Variants in MOSPD2 observed in about 807,000 individuals in gnomAD.
MOSPD2 encodes motile sperm domain-containing protein 2.
A neutral mutation model predicts 41.7 loss-of-function variants in MOSPD2; 5 were observed. The ratio of observed to expected loss-of-function variants is 0.12; its 90% confidence interval spans 0.06 to 0.25. MOSPD2 has a LOEUF of 0.25. Among genes scored for constraint, MOSPD2 ranks in the 10% least tolerant of loss-of-function variants. The pLI, the probability that MOSPD2 is intolerant of heterozygous loss-of-function variation, is 1.00. For missense variants in MOSPD2, 282 were observed against 375.2 expected (o/e 0.75, Z 2.05); for synonymous variants, 115 against 126.9 (o/e 0.91, Z 0.63).
intron 3 of MOSPD2, chrX:14,893,094 TCA>T: frequency 3.4e-6 from 1 of 294,680 alleles, no homozygotes. Context: ...GAGAGCAGAA[TCA>T]CACTCAGATT....
chrX:14,920,793 T>C lies in MOSPD2; in HGVS notation c.*984T>C, dbSNP rs2092608303. 4 of 751,856 alleles carry C rather than the reference T, an allele frequency of 5.3e-6. No homozygotes were observed. The South Asian group carries it at 2.7e-4, about 51-fold the overall frequency. 62.0% of individuals were successfully genotyped at this position (751,856 alleles called of 1,213,427 possible). On this transcript the variant is annotated 3_prime_UTR_variant, in exon 15 of 15. Transcript: ENST00000380492. Reference sequence around the variant, plus strand: ...TTGAGATGCTAAGCAGGATAATAAATTTAGATTTTAAAATGTTCCCTGTAA... The same window carrying C: ...TTGAGATGCTAAGCAGGATAATAAACTTAGATTTTAAAATGTTCCCTGTAA...
intron 10 of MOSPD2, 100 bp from the exon 11 acceptor site, chrX:14,914,403 G>A (rs2092596738): frequency 4.1e-6 from 2 of 489,631 alleles, no homozygotes; most frequent in South Asian, 3.4e-5. Context: ...TTATACAAAT[G>A]AGCATAAGAT....
chrX:14,878,745 A>G (rs5934195), intron 2 of MOSPD2, among the ~76,000 whole-genome samples: 1 of 111,083 alleles, frequency 9.0e-6, no homozygotes, highest in East Asian at 2.8e-4. Flanking sequence ...CATGTGCACA[A>G]CGTGCAGGTT....
At chrX:14,918,805 C>T (rs2092604565) in intron 14 of MOSPD2, 23 bp downstream of exon 14, 2 of 1,000,334 alleles carry the variant, frequency 2.0e-6, no homozygotes, top group Non-Finnish European at 2.8e-6. Context: ...TCTTCCTACC[C>T]AAACAAAGTT....
intron 7 of MOSPD2, among the ~76,000 whole-genome samples, chrX:14,906,267 G>T (rs1046805258): frequency 1.8e-5 from 2 of 111,608 alleles, no homozygotes; most frequent in African/African-American, 6.5e-5. Context: ...CGAATTGAGG[G>T]TCCAGATATA....
intron 2 of MOSPD2, among the ~76,000 whole-genome samples, chrX:14,888,767 G>A (rs1841349471): frequency 9.1e-6 from 1 of 110,353 alleles, no homozygotes; most frequent in African/African-American, 3.3e-5. Context: ...CTAGGGGTGT[G>A]TGTGTGTGTG....
chrX:14,919,924 A>T lies in MOSPD2; in HGVS notation c.*115A>T. 7 of 1,101,174 alleles carry T rather than the reference A, an allele frequency of 6.4e-6. No individual in the cohort carries two copies. Among genetic ancestry groups the T allele is most frequent in the Non-Finnish European group, 8.3e-6 (7 of 845,830 alleles). The allele number at this position is 1,101,174 out of a possible 1,213,427, so 90.7% of individuals were successfully genotyped here. On this transcript the variant is annotated 3_prime_UTR_variant, in exon 15 of 15. Transcript: ENST00000380492. ...TTGCACATCTGTGCTTCCTAAAAGGAAATATGCAGCACGTGGAGGGGAACA... is the reference window on the plus strand; with the variant it reads ...TTGCACATCTGTGCTTCCTAAAAGGTAATATGCAGCACGTGGAGGGGAACA...
chrX:14,921,390 C>T lies in MOSPD2; in HGVS notation c.*1581C>T, dbSNP rs773157453. 12 of 935,643 alleles carry T rather than the reference C, an allele frequency of 1.3e-5. No homozygotes were observed. Among genetic ancestry groups the T allele is most frequent in the Non-Finnish European group, 1.6e-5 (12 of 755,511 alleles). The allele number at this position is 935,643 out of a possible 1,213,427, so 77.1% of individuals were successfully genotyped here. A position where few individuals can be genotyped will look rare whatever the true frequency, so the allele number is the denominator to read the frequency against. ...GCTTTTCTGTTTCAGTTTGCCACCT[C>T]CAGCTGTGAAATGGACTGCAGTCCA... On this transcript the variant is annotated 3_prime_UTR_variant, in exon 15 of 15. Transcript: ENST00000380492.
intron 3 of MOSPD2, among the ~76,000 whole-genome samples, chrX:14,893,661 C>T (rs1201722824): frequency 8.9e-6 from 1 of 112,201 alleles, no homozygotes; most frequent in African/African-American, 3.2e-5. Flanking sequence ...AGACTTAACA[C>T]AAAATAGTCA....
At chrX:14,875,027 A>G (rs188207711) in intron 2 of MOSPD2, among the ~76,000 whole-genome samples, 17 of 112,179 alleles carry the variant, frequency 1.5e-4, no homozygotes, top group African/African-American at 5.2e-4. Flanking sequence ...TAACACCCCA[A>G]TAGTCATTTA....
intron 2 of MOSPD2, chrX:14,885,152 C>A (rs1375623164): frequency 1.8e-5 from 2 of 111,474 alleles, no homozygotes; most frequent in Non-Finnish European, 3.8e-5. Flanking sequence ...AGAATATATA[C>A]TTTTTGAATA....
At chrX:14,896,095 T>A (rs1353872182) in intron 4 of MOSPD2, among the ~76,000 whole-genome samples, 1 of 111,246 alleles carries the variant, frequency 9.0e-6, no homozygotes, top group African/African-American at 3.3e-5. Context: ...TAAAGGTGTT[T>A]CCCAGGCTTT....
At chrX:14,885,839 T>G (rs895737031) in intron 2 of MOSPD2, among the ~76,000 whole-genome samples, 6 of 111,877 alleles carry the variant, frequency 5.4e-5, no homozygotes, top group African/African-American at 1.9e-4. Flanking sequence ...TTTGTTAACA[T>G]TATTTTCTAT....
At chrX:14,910,396 G>A (rs1263708243) in intron 8 of MOSPD2, among the ~76,000 whole-genome samples, 1 of 110,768 alleles carries the variant, frequency 9.0e-6, no homozygotes, top group East Asian at 2.8e-4. Flanking sequence ...TTATTTTGCA[G>A]GTTACACCAT....
chrX:14,903,382 A>T (rs1037674709), intron 7 of MOSPD2, among the ~76,000 whole-genome samples: 5 of 110,792 alleles, frequency 4.5e-5, no homozygotes, highest in Non-Finnish European at 7.6e-5. Flanking sequence ...CAAATATTCA[A>T]CCATTAAGGT....
chrX:14,915,507 C>T (rs1212874173), intron 11 of MOSPD2, 161 bp from the exon 12 acceptor site: 2 of 180,923 alleles, frequency 1.1e-5, no homozygotes, highest in African/African-American at 6.3e-5. Flanking sequence ...ACATATGTAA[C>T]AAACCTGCAC....
chrX:14,914,382 G>A, intron 10 of MOSPD2, 121 bp from the exon 11 acceptor site: 1 of 431,724 alleles, frequency 2.3e-6, no homozygotes, highest in Non-Finnish European at 4.0e-6. Context: ...GTCTTTTTTG[G>A]TGAAATGTCT....
Position 14,903,022 on chromosome X carries a change from T to G in MOSPD2, c.577+18T>G. On this transcript the variant is annotated intron_variant, in intron 7 of 14. Transcript: ENST00000380492. The stretch of plus-strand genomic sequence containing the variant: ...AATGAATGGTGAGTATATTTATACT[T>G]TCTTAAAACAAAATGTCTAATTTCC... The G allele has an allele frequency of 9.6e-7, 1 of 1,038,969 alleles. No homozygotes were observed. The highest frequency in any genetic ancestry group is 1.8e-5 in the African/African-American group (1 of 54,422). 85.6% of individuals were successfully genotyped at this position (1,038,969 alleles called of 1,213,427 possible).
chrX:14,903,878 G>A (rs1394196961), intron 7 of MOSPD2, among the ~76,000 whole-genome samples: 1 of 112,004 alleles, frequency 8.9e-6, no homozygotes, highest in African/African-American at 3.2e-5. Flanking sequence ...GAGATACTGT[G>A]AATGATTATA....
Sources: gnomAD v4.1 joint callset for allele counts (sites outside exome capture counted in the v4.1 genomes callset) on GRCh38, gnomAD v4.1.1 for gene constraint, MANE v1.5 for transcripts, NCBI Gene and HGNC (gene_info 2026-07-23, HGNC 2026-07-21) for gene names.